Variants in ABCD2 observed in about 807,000 individuals in gnomAD.
The protein encoded by ABCD2 is ATP-binding cassette sub-family D member 2.
In ABCD2, 36 loss-of-function variants were observed where a neutral mutation model predicts 70.9. The observed-to-expected ratio is 0.51, with a 90% confidence interval of 0.39 to 0.67. The LOEUF (loss-of-function observed/expected upper bound fraction) is 0.67, where lower values mean the gene tolerates loss of function less well. Among genes scored for constraint, ABCD2 ranks in the 30% least tolerant of loss-of-function variants. The pLI is 0.00. For missense variants in ABCD2, 729 were observed against 890.2 expected (o/e 0.82, Z 2.30); for synonymous variants, 304 against 306.9 (o/e 0.99, Z 0.10).
rs780442111 is a variant in ABCD2, at chr12:39,603,984, G to C, written c.1428C>G (p.His476Gln). The C allele has an allele frequency of 1.9e-6, 3 of 1,611,818 alleles. No individual in the cohort carries two copies. Among genetic ancestry groups the C allele is most frequent in the Admixed American group, 3.3e-5 (2 of 59,894 alleles). The change falls in exon 5 of 10, where the codon CAC becomes CAG. Residue 476 changes from histidine (H) to glutamine (Q), a missense_variant. Coordinates refer to ENST00000308666, the MANE Select transcript of ABCD2 (RefSeq NM_005164.4). Reference protein sequence around the residue: ...AIKGKVIDVDHGIICENVPII... With the variant: ...AIKGKVIDVDQGIICENVPII... ...TGGGAACATTTTCACAAATAATTCC[G>C]TGATCCACATCAATAACTTTTCCTG...
chr12:39,573,939 G>T, intron 8 of ABCD2, 98 bp from the exon 9 acceptor site: 1 of 1,192,736 alleles, frequency 8.4e-7, no homozygotes, highest in Non-Finnish European at 1.2e-6. Context: ...TTTTAATGGA[G>T]CAAAAAAGAC....
At chr12:39,534,981 G>T in the ABCD2 span, among the ~76,000 whole-genome samples, 2 of 152,102 alleles carry the variant, frequency 1.3e-5, no homozygotes, top group Non-Finnish European at 2.9e-5. Context: ...TTTATATCTC[G>T]TTGTCTACCT....
chr12:39,581,522 G>GAACA (rs1941595847), intron 7 of ABCD2, among the ~76,000 whole-genome samples: 3 of 152,120 alleles, frequency 2.0e-5, no homozygotes, highest in African/African-American at 7.2e-5. Flanking sequence ...ATCTGATTTA[G>GAACA]AGTTCTTGCT....
At chr12:39,545,937 T>C (rs1274469923), downstream of ABCD2, among the ~76,000 whole-genome samples, 1 of 152,160 alleles carries the variant, frequency 6.6e-6, no homozygotes, top group Non-Finnish European at 1.5e-5. Context: ...TGGAGCTAGA[T>C]AGTCCATTTA....
chr12:39,619,386 G>A lies in ABCD2; in HGVS notation c.230C>T (p.Ser77Leu). 4 of 1,614,106 alleles carry A rather than the reference G, an allele frequency of 2.5e-6. No individual in the cohort carries two copies. Among genetic ancestry groups the A allele is most frequent in the Non-Finnish European group, 3.4e-6 (4 of 1,180,022 alleles). The change falls in exon 1 of 10, where the codon TCG becomes TTG. Residue 77 changes from serine (S) to leucine (L), a missense_variant. Transcript: ENST00000308666. Reference sequence around the variant, plus strand: ...GAAGAAATCTGCATTCACTCCAGGCGAAGGTTTTTCACAAATGGTCTCGGT... The same window carrying A: ...GAAGAAATCTGCATTCACTCCAGGCAAAGGTTTTTCACAAATGGTCTCGGT... ...HCTETICEKP[S>L]PGVNADFFKQ...
intron 9 of ABCD2, among the ~76,000 whole-genome samples, chr12:39,568,281 G>C (rs1011646164): frequency 3.3e-5 from 5 of 152,232 alleles, no homozygotes; most frequent in South Asian, 4.2e-4. Flanking sequence ...TGTAGATTTG[G>C]TCTTTTCACA....
At chr12:39,532,328 C>A in the ABCD2 span, among the ~76,000 whole-genome samples, 1 of 152,198 alleles carries the variant, frequency 6.6e-6, no homozygotes, top group Non-Finnish European at 1.5e-5. Context: ...GGTAATAGAA[C>A]TTTAAAACGT....
intron 9 of ABCD2, among the ~76,000 whole-genome samples, chr12:39,562,788 A>G (rs1424380982): frequency 1.3e-5 from 2 of 152,168 alleles, no homozygotes; most frequent in Non-Finnish European, 2.9e-5. Flanking sequence ...AAGAGGAAGG[A>G]ATACATCCAA....
chr12:39,561,905 A>G (rs1383653970), intron 9 of ABCD2, among the ~76,000 whole-genome samples: 1 of 152,182 alleles, frequency 6.6e-6, no homozygotes, highest in Non-Finnish European at 1.5e-5. Context: ...TCAACTACAC[A>G]TGGAACATTC....
At chr12:39,603,447 AATC>A (rs1299855749) in intron 5 of ABCD2, among the ~76,000 whole-genome samples, 3 of 152,158 alleles carry the variant, frequency 2.0e-5, no homozygotes, top group Non-Finnish European at 4.4e-5. Context: ...CCAATCCATA[AATC>A]TTCTGATTAT....
At chr12:39,569,593 C>T (rs1012543081) in intron 9 of ABCD2, among the ~76,000 whole-genome samples, 2 of 152,168 alleles carry the variant, frequency 1.3e-5, no homozygotes, top group Non-Finnish European at 2.9e-5. Flanking sequence ...CGATGCCTCG[C>T]CCTGCTTCGC....
chr12:39,537,550 T>C, the ABCD2 span, among the ~76,000 whole-genome samples: 6 of 152,312 alleles, frequency 3.9e-5, no homozygotes, highest in African/African-American at 1.4e-4. Context: ...AGAATCAAAA[T>C]AAAGCAATCT....
intron 9 of ABCD2, among the ~76,000 whole-genome samples, chr12:39,568,783 G>A (rs543751660): frequency 1.3e-5 from 2 of 152,190 alleles, no homozygotes; most frequent in East Asian, 3.9e-4. Flanking sequence ...CTTTGATGAT[G>A]GTGATTTACA....
chr12:39,569,185 A>G (rs1046891090), intron 9 of ABCD2, among the ~76,000 whole-genome samples: 11 of 152,190 alleles, frequency 7.2e-5, no homozygotes, highest in African/African-American at 2.2e-4. Flanking sequence ...TCTGCAGAGT[A>G]TTCTGCTGCC....
Position 39,619,331 on chromosome 12 carries a change from C to T in ABCD2, c.285G>A (p.Leu95=). 6.2e-7 allele frequency: 1 copy of T among 1,614,082 alleles called. No homozygotes were observed. The highest frequency in any genetic ancestry group is 8.5e-7 in the Non-Finnish European group (1 of 1,180,038). Residue 95 remains leucine, a synonymous_variant, in exon 1 of 10, where the codon TTG becomes TTA. Coordinates refer to ENST00000308666, the MANE Select transcript of ABCD2 (RefSeq NM_005164.4). The part of the protein sequence containing the change: ...FKQLLELRKI[L]FPKLVTTETG... ...TTTCAGTGGTCACAAGTTTTGGAAA[C>T]AAAATTTTCCGAAGTTCTAGTAGCT...
intron 6 of ABCD2, among the ~76,000 whole-genome samples, chr12:39,593,706 A>G (rs1941776874): frequency 6.6e-6 from 1 of 152,196 alleles, no homozygotes; most frequent in South Asian, 2.1e-4. Flanking sequence ...GCAAGCGACA[A>G]TCTCTTCTTT....
chr12:39,567,390 CT>C (rs1263982412), intron 9 of ABCD2, among the ~76,000 whole-genome samples: 1 of 152,024 alleles, frequency 6.6e-6, no homozygotes, highest in African/African-American at 2.4e-5. Flanking sequence ...ATGTAATGGC[CT>C]TCTTTGTCTC....
intron 7 of ABCD2, among the ~76,000 whole-genome samples, chr12:39,582,853 G>A (rs909750673): frequency 1.7e-4 from 26 of 151,512 alleles, no homozygotes; most frequent in African/African-American, 6.1e-4. Flanking sequence ...ATTACCATTA[G>A]CTACTAATTT....
intron 6 of ABCD2, among the ~76,000 whole-genome samples, chr12:39,593,134 A>G (rs1941768672): frequency 6.6e-6 from 1 of 152,244 alleles, no homozygotes; most frequent in East Asian, 1.9e-4. Flanking sequence ...GGGTTAAACA[A>G]TGTTGATATA....
Sources: allele counts gnomAD v4.1 joint callset (sites outside exome capture counted in the v4.1 genomes callset), GRCh38; gene constraint gnomAD v4.1.1; transcripts MANE v1.5; gene names NCBI Gene and HGNC (gene_info 2026-07-23, HGNC 2026-07-21).